The following ROCK2 variants were observed in gnomAD, a reference collection of about 807,000 sequenced individuals.
ROCK2 encodes the protein Rho associated coiled-coil containing protein kinase 2.
Under a neutral mutation model 195.1 loss-of-function variants are expected in ROCK2, and 61 were observed. That is an observed-to-expected ratio of 0.31 (90% CI 0.25 to 0.39). The LOEUF (loss-of-function observed/expected upper bound fraction) is 0.39, where lower values mean the gene tolerates loss of function less well. Ranked by LOEUF, ROCK2 falls within the 10% of genes least tolerant of loss-of-function variation. The pLI is 1.00. For synonymous variants in ROCK2, 504 were observed against 545.5 expected (o/e 0.92, Z 1.06); for missense variants, 1,109 against 1,637.4 (o/e 0.68, Z 5.57).
chr2:11,307,036 A>C (rs574932069), intron 1 of ROCK2, among the ~76,000 whole-genome samples: 1 of 152,228 alleles, frequency 6.6e-6, no homozygotes, highest in Non-Finnish European at 1.5e-5. Flanking sequence ...TGAGGTCTCG[A>C]TATTTCATTA....
intron 27 of ROCK2, among the ~76,000 whole-genome samples, chr2:11,195,603 A>ATCC (rs1663604809): frequency 6.6e-6 from 1 of 152,118 alleles, no homozygotes; most frequent in African/African-American, 2.4e-5. Flanking sequence ...CAGGCTGTGC[A>ATCC]TCCTGGGTTC....
intron 3 of ROCK2, among the ~76,000 whole-genome samples, chr2:11,274,702 A>T (rs1312529553): frequency 6.6e-6 from 1 of 152,166 alleles, no homozygotes; most frequent in Non-Finnish European, 1.5e-5. Context: ...AACATCAATC[A>T]TTCTCATACT....
At chr2:11,282,244 G>A (rs755455425) in intron 3 of ROCK2, among the ~76,000 whole-genome samples, 14 of 151,970 alleles carry the variant, frequency 9.2e-5, no homozygotes, top group South Asian at 4.2e-4. Flanking sequence ...CCAGCTACTC[G>A]AGAGGCTGGG....
At chr2:11,327,347 T>C (rs1489656910) in intron 1 of ROCK2, among the ~76,000 whole-genome samples, 1 of 152,146 alleles carries the variant, frequency 6.6e-6, no homozygotes, top group Non-Finnish European at 1.5e-5. Flanking sequence ...TAAAGCCAAT[T>C]TTCAGGTAAT....
At chr2:11,271,545 C>T (rs543192673) in intron 3 of ROCK2, among the ~76,000 whole-genome samples, 41 of 152,224 alleles carry the variant, frequency 2.7e-4, no homozygotes, top group Middle Eastern at 6.8e-3. Flanking sequence ...TTTTGGATCC[C>T]GGAAGCACTG....
chr2:11,183,251 T>C lies in ROCK2; in HGVS notation c.*186A>G. The C allele has an allele frequency of 3.9e-6, 2 of 509,546 alleles. No homozygotes were observed. The highest frequency in any genetic ancestry group is 7.1e-6 in the Non-Finnish European group (2 of 282,740). The allele number at this position is 509,546 out of a possible 1,614,324, so 31.6% of individuals were successfully genotyped here. The stretch of plus-strand genomic sequence containing the variant: ...AATCATTGTTGGTTCAACCTGTTGC[T>C]TCAAAGGAGCCCAGATTTGTAATTT... On this transcript the variant is annotated 3_prime_UTR_variant, in exon 33 of 33. Transcript: ENST00000315872.
chr2:11,277,757 A>G (rs72787682), intron 3 of ROCK2, among the ~76,000 whole-genome samples: 6,467 of 152,202 alleles, frequency 0.042, 276 homozygotes, highest in Non-Finnish European at 0.06. Context: ...TGGTCCCAAG[A>G]TTTTGCAATT....
intron 3 of ROCK2, among the ~76,000 whole-genome samples, chr2:11,265,121 G>A (rs922403261): frequency 2.6e-5 from 4 of 151,272 alleles, no homozygotes; most frequent in East Asian, 1.9e-4. Context: ...GAAGACCTAG[G>A]TTACTAAATA....
intron 1 of ROCK2, among the ~76,000 whole-genome samples, chr2:11,300,169 A>C (rs1667660620): frequency 6.6e-6 from 1 of 152,198 alleles, no homozygotes; most frequent in Non-Finnish European, 1.5e-5. Context: ...TCATCCATAA[A>C]TCTGCATATT....
At chr2:11,255,492 C>A (rs1048501246) in intron 3 of ROCK2, among the ~76,000 whole-genome samples, 5 of 149,702 alleles carry the variant, frequency 3.3e-5, no homozygotes, top group African/African-American at 1.3e-4. Flanking sequence ...AGAAAATGGC[C>A]CCAAAAGATG....
intron 1 of ROCK2, among the ~76,000 whole-genome samples, chr2:11,325,358 A>C (rs1300845361): frequency 6.6e-6 from 1 of 152,238 alleles, no homozygotes; most frequent in Non-Finnish European, 1.5e-5. Context: ...AAAACTGTAC[A>C]TATTTGTCTT....
At chr2:11,297,092 C>T (rs916688258) in intron 1 of ROCK2, among the ~76,000 whole-genome samples, 1 of 151,874 alleles carries the variant, frequency 6.6e-6, no homozygotes, top group African/African-American at 2.4e-5. Context: ...AACAGAAAAA[C>T]TAAGTAAATT....
intron 23 of ROCK2, among the ~76,000 whole-genome samples, chr2:11,200,245 G>T: frequency 6.6e-6 from 1 of 152,010 alleles, no homozygotes; most frequent in Middle Eastern, 3.2e-3. Flanking sequence ...TCTGTCATTT[G>T]TTTATGCTGT....
At chr2:11,285,106 T>C (rs1215287603) in intron 3 of ROCK2, among the ~76,000 whole-genome samples, 2 of 151,712 alleles carry the variant, frequency 1.3e-5, no homozygotes, top group Admixed American at 6.6e-5. Flanking sequence ...CTACTAAAAA[T>C]ACAAAATTGG....
chr2:11,229,446 G>A (rs1446889905), intron 5 of ROCK2, among the ~76,000 whole-genome samples: 5 of 151,974 alleles, frequency 3.3e-5, no homozygotes, highest in African/African-American at 1.2e-4. Context: ...GGTGGGCAAA[G>A]GATGGAAAGA....
chr2:11,231,315 T>C (rs559235419), intron 5 of ROCK2, among the ~76,000 whole-genome samples: 2 of 152,248 alleles, frequency 1.3e-5, no homozygotes, highest in South Asian at 2.1e-4. Context: ...GCGATTCTCC[T>C]GCCTCAGTCA....
rs1414917202 is a variant in ROCK2 at position 11,197,064 on chromosome 2, GT to G, written c.3448+115del. 2 of 592,266 alleles carry G rather than the reference GT, an allele frequency of 3.4e-6. No individual in the cohort carries two copies. Among genetic ancestry groups the G allele is most frequent in the East Asian group, 3.3e-5 (1 of 30,164 alleles). The allele number at this position is 592,266 out of a possible 1,614,324, so 36.7% of individuals were successfully genotyped here. ...CTTGAATCCTTACTCCAAGGAGTAG[GT>G]TTTCCCTTAAAGAAATTACAAACAT... On this transcript the variant is annotated intron_variant, in intron 27 of 32. Coordinates refer to ENST00000315872, the MANE Select transcript of ROCK2 (RefSeq NM_004850.5). This position sits in a 1 kb window ranked among gnomAD's most constrained non-coding sequence, Gnocchi z 4.9.
At chr2:11,294,146 G>A (rs1485939893) in intron 1 of ROCK2, among the ~76,000 whole-genome samples, 1 of 151,606 alleles carries the variant, frequency 6.6e-6, no homozygotes, top group Non-Finnish European at 1.5e-5. Context: ...GACAGAGTGA[G>A]ACTCCCGTCT....
intron 1 of ROCK2, among the ~76,000 whole-genome samples, chr2:11,295,946 G>C (rs368186214): frequency 1.5e-5 from 2 of 133,320 alleles, no homozygotes; most frequent in East Asian, 4.9e-4. Context: ...GACAGAGCGA[G>C]ATTCCATCTC....
Sources: allele counts gnomAD v4.1 joint callset (sites outside exome capture counted in the v4.1 genomes callset), GRCh38; gene constraint gnomAD v4.1.1; non-coding constraint Gnocchi (gnomAD v3.1); transcripts MANE v1.5; gene names NCBI Gene and HGNC (gene_info 2026-07-23, HGNC 2026-07-21).